The following ANK2 variants were observed in gnomAD, a reference collection of about 807,000 sequenced individuals.
ANK2 encodes ankyrin 2, also known as ankyrin-2.
Under a neutral mutation model 360.5 loss-of-function variants are expected in ANK2, and 83 were observed. That is an observed-to-expected ratio of 0.23 (90% CI 0.19 to 0.28). The LOEUF (loss-of-function observed/expected upper bound fraction) is 0.28, where lower values mean the gene tolerates loss of function less well. Ranked by LOEUF, ANK2 falls within the 10% of genes least tolerant of loss-of-function variation. The pLI, the probability that ANK2 is intolerant of heterozygous loss-of-function variation, is 1.00. For missense variants in ANK2, 4,201 were observed against 4,795.7 expected, an observed-to-expected ratio of 0.88 and a Z score of 3.66; for synonymous variants, 1,740 against 1,759.5, an observed-to-expected ratio of 0.99 and a Z score of 0.28.
the ANK2 span, among the ~76,000 whole-genome samples, chr4:112,776,162 C>T: frequency 1.3e-5 from 2 of 152,176 alleles, no homozygotes; most frequent in Admixed American, 1.3e-4. Flanking sequence ...GGAAGAAAAA[C>T]ATCCTTTCCC....
At chr4:113,372,343 C>A (rs548494016) in intron 43 of ANK2, among the ~76,000 whole-genome samples, 8 of 152,124 alleles carry the variant, frequency 5.3e-5, no homozygotes, top group East Asian at 3.9e-4. Context: ...ACAACAACAA[C>A]AAAAAACCAA....
chr4:113,100,224 C>T (rs1456393383), intron 1 of ANK2, among the ~76,000 whole-genome samples: 2 of 152,008 alleles, frequency 1.3e-5, no homozygotes, highest in African/African-American at 4.8e-5. Flanking sequence ...TTGCAAAACA[C>T]ATATCTGATA....
the ANK2 span, among the ~76,000 whole-genome samples, chr4:112,765,336 T>G: frequency 1.2e-4 from 19 of 152,348 alleles, no homozygotes; most frequent in South Asian, 6.2e-4. Context: ...TTAGGCCTCT[T>G]TAATCTGAAC....
intron 1 of ANK2, among the ~76,000 whole-genome samples, chr4:112,863,108 T>C (rs1292361981): frequency 1.3e-5 from 2 of 152,230 alleles, no homozygotes; most frequent in African/African-American, 4.8e-5. Context: ...AACTTATTTC[T>C]TTCCCCCAAG....
chr4:112,734,300 C>T, the ANK2 span, among the ~76,000 whole-genome samples: 1 of 152,166 alleles, frequency 6.6e-6, no homozygotes, highest in Admixed American at 6.5e-5. Flanking sequence ...ACTGAGCTCC[C>T]TAGCTGGCTC....
At chr4:113,262,346 C>A (rs1031848843) in intron 13 of ANK2, among the ~76,000 whole-genome samples, 6 of 152,130 alleles carry the variant, frequency 3.9e-5, no homozygotes, top group African/African-American at 1.4e-4. Flanking sequence ...CCTGCCTCAG[C>A]CTCCCAAGTA....
intron 1 of ANK2, among the ~76,000 whole-genome samples, chr4:112,839,655 G>A (rs1318620417): frequency 1.3e-5 from 2 of 152,172 alleles, no homozygotes; most frequent in Non-Finnish European, 2.9e-5. Flanking sequence ...AAAAGGTGAA[G>A]TGTAAAGTAA....
intron 4 of ANK2, among the ~76,000 whole-genome samples, chr4:113,217,801 C>T (rs1212911241): frequency 6.6e-6 from 1 of 152,154 alleles, no homozygotes. Context: ...GTCTCGGTAC[C>T]GAACTGAATG....
At chr4:112,983,096 T>C (rs1329618557) in intron 2 of ANK2, among the ~76,000 whole-genome samples, 5 of 152,212 alleles carry the variant, frequency 3.3e-5, no homozygotes, top group Non-Finnish European at 7.3e-5. Context: ...GCAGTATTTT[T>C]AGCCATCTTT....
intron 1 of ANK2, among the ~76,000 whole-genome samples, chr4:112,839,332 G>T (rs1182879804): frequency 1.3e-5 from 2 of 152,028 alleles, no homozygotes; most frequent in Non-Finnish European, 2.9e-5. Context: ...AAGAACAATT[G>T]GCTCCCTGAT....
At chr4:113,275,937 GTTTTTTTTTTT>G (rs557950582) in intron 15 of ANK2, among the ~76,000 whole-genome samples, 1 of 118,868 alleles carries the variant, frequency 8.4e-6, no homozygotes, top group Non-Finnish European at 1.7e-5. Context: ...GTTAAACAGT[GTTTTTTTTTTT>G]TTTTTTTTTT....
intron 2 of ANK2, among the ~76,000 whole-genome samples, chr4:112,957,416 T>C (rs1171805440): frequency 6.6e-6 from 1 of 152,108 alleles, no homozygotes; most frequent in Non-Finnish European, 1.5e-5. Context: ...GTCTACTTCT[T>C]TCTACACATA....
chr4:113,082,281 C>T (rs959392271), intron 1 of ANK2, among the ~76,000 whole-genome samples: 9 of 152,076 alleles, frequency 5.9e-5, no homozygotes, highest in South Asian at 2.1e-4. Context: ...GGTATAAAAA[C>T]GCCTTCCTAT....
At chr4:113,253,987 C>T (rs766914882) in intron 10 of ANK2, among the ~76,000 whole-genome samples, 2 of 152,160 alleles carry the variant, frequency 1.3e-5, no homozygotes, top group African/African-American at 4.8e-5. Context: ...TTATTGATAT[C>T]GATCATGCCC....
intron 2 of ANK2, among the ~76,000 whole-genome samples, chr4:112,944,652 A>C (rs2094443793): frequency 6.6e-6 from 1 of 152,200 alleles, no homozygotes; most frequent in Admixed American, 6.5e-5. Flanking sequence ...AGTTGTATGC[A>C]CATGATAATT....
Position 113,381,785 on chromosome 4 carries a change from T to C in ANK2, c.*314T>C. 1.2e-6 allele frequency: 1 copy of C among 812,816 alleles called. No homozygotes were observed. Among genetic ancestry groups the C allele is most frequent in the Non-Finnish European group, 1.9e-6 (1 of 538,590 alleles). The allele number at this position is 812,816 out of a possible 1,614,324, so 50.4% of individuals were successfully genotyped here. On this transcript the variant is annotated 3_prime_UTR_variant, in exon 46 of 46. Transcript: ENST00000357077. ...GCAAATATACGGCATTTTGCTTTAG[T>C]TTTCCCCCATCCTCTTTAACTATAA...
At chr4:113,015,173 T>C (rs1239201633) in intron 2 of ANK2, among the ~76,000 whole-genome samples, 1 of 152,160 alleles carries the variant, frequency 6.6e-6, no homozygotes, top group East Asian at 1.9e-4. Flanking sequence ...TTTTTATCTA[T>C]TGTTTACAGA....
chr4:112,769,888 C>T, the ANK2 span, among the ~76,000 whole-genome samples: 3 of 152,170 alleles, frequency 2.0e-5, no homozygotes, highest in Non-Finnish European at 4.4e-5. Flanking sequence ...TTGGGATTTA[C>T]CCCAGTGGCA....
intron 9 of ANK2, among the ~76,000 whole-genome samples, chr4:113,245,774 T>G (rs1318641598): frequency 2.0e-5 from 3 of 152,178 alleles, no homozygotes; most frequent in Non-Finnish European, 2.9e-5. Context: ...GACTATATTT[T>G]TAGAGAATAT....
Sources: allele counts gnomAD v4.1 joint callset (sites outside exome capture counted in the v4.1 genomes callset), GRCh38; gene constraint gnomAD v4.1.1; transcripts MANE v1.5; gene names NCBI Gene and HGNC (gene_info 2026-07-23, HGNC 2026-07-21).